RBMS3: variants seen among roughly 807,000 people sequenced by gnomAD.
RBMS3 encodes RNA binding motif single stranded interacting protein 3.
Under a neutral mutation model 66.8 loss-of-function variants are expected in RBMS3, and 27 were observed. That is an observed-to-expected ratio of 0.40 (90% confidence interval 0.30 to 0.56). The LOEUF is 0.56. RBMS3 is among the 20% of genes least tolerant of loss of function. RBMS3 has a pLI of 0.40. For synonymous variants in RBMS3, 188 were observed against 183.0 expected (o/e 1.03, Z -0.22); for missense variants, 513 against 549.5 (o/e 0.93, Z 0.66).
intron 1 of RBMS3, among the ~76,000 whole-genome samples, chr3:29,380,499 G>A (rs2038712546): frequency 6.6e-6 from 1 of 152,086 alleles, no homozygotes; most frequent in African/African-American, 2.4e-5. Flanking sequence ...TTCTAATTGT[G>A]GTAAGTTGCA....
chr3:29,592,195 TACACAC>T (rs68074936), intron 4 of RBMS3, among the ~76,000 whole-genome samples: 28 of 149,232 alleles, frequency 1.9e-4, no homozygotes, highest in Non-Finnish European at 3.9e-4. Context: ...CAAACACACA[TACACAC>T]ACACACACAC....
chr3:29,774,315 T>C (rs565197317), intron 6 of RBMS3, among the ~76,000 whole-genome samples: 3 of 152,108 alleles, frequency 2.0e-5, no homozygotes, highest in Admixed American at 6.6e-5. Context: ...TAAATGTTGA[T>C]AAAGTGTGTG....
intron 3 of RBMS3, among the ~76,000 whole-genome samples, chr3:29,524,283 A>C (rs1363463553): frequency 6.6e-6 from 1 of 152,102 alleles, no homozygotes; most frequent in Admixed American, 6.5e-5. Flanking sequence ...CATAACATGA[A>C]ATCATGCTGT....
chr3:29,596,383 T>A (rs749536338), intron 4 of RBMS3, among the ~76,000 whole-genome samples: 1 of 152,210 alleles, frequency 6.6e-6, no homozygotes, highest in Non-Finnish European at 1.5e-5. Flanking sequence ...GCTCTTCAAG[T>A]CCTTTAACTA....
At chr3:29,701,143 G>A (rs1016863049) in intron 4 of RBMS3, among the ~76,000 whole-genome samples, 52 of 152,130 alleles carry the variant, frequency 3.4e-4, no homozygotes, top group Admixed American at 3.3e-3. Flanking sequence ...CGGACGTGGT[G>A]GCGGGCTCCT....
intron 6 of RBMS3, among the ~76,000 whole-genome samples, chr3:29,819,194 T>A (rs558562438): frequency 2.6e-3 from 398 of 152,340 alleles, no homozygotes; most frequent in African/African-American, 9.1e-3. Flanking sequence ...CCCTTGCAGG[T>A]TGTTATTTCA....
At chr3:29,832,471 G>A (rs1198653771) in intron 6 of RBMS3, among the ~76,000 whole-genome samples, 1 of 149,904 alleles carries the variant, frequency 6.7e-6, no homozygotes, top group Non-Finnish European at 1.5e-5. Flanking sequence ...TGGAGCAAAA[G>A]GTATCCAAGG....
chr3:29,464,177 A>G (rs539825598), intron 2 of RBMS3, among the ~76,000 whole-genome samples: 1 of 152,284 alleles, frequency 6.6e-6, no homozygotes, highest in Admixed American at 6.5e-5. Flanking sequence ...TTTCTAAAAT[A>G]TAAAGAAATA....
intron 3 of RBMS3, among the ~76,000 whole-genome samples, chr3:29,575,856 AT>A (rs1168625263): frequency 6.6e-6 from 1 of 151,664 alleles, no homozygotes; most frequent in East Asian, 1.9e-4. Flanking sequence ...CTTTTAAATT[AT>A]TTCAGTTTCT....
intron 10 of RBMS3, among the ~76,000 whole-genome samples, chr3:29,900,946 A>G (rs556974167): frequency 2.0e-5 from 3 of 151,964 alleles, no homozygotes; most frequent in South Asian, 4.1e-4. Flanking sequence ...TCTGGCTTTC[A>G]TATCTGAGCA....
chr3:29,702,879 C>T (rs528257422), intron 4 of RBMS3, among the ~76,000 whole-genome samples: 18 of 152,322 alleles, frequency 1.2e-4, no homozygotes, highest in African/African-American at 1.7e-4. Flanking sequence ...CGAGGGTCCG[C>T]GGCTTCATTC....
intron 10 of RBMS3, among the ~76,000 whole-genome samples, chr3:29,930,458 CT>C (rs1222592365): frequency 6.6e-6 from 1 of 151,870 alleles, no homozygotes. Context: ...TTCTTCCTCA[CT>C]TTGTATAAAT....
intron 2 of RBMS3, among the ~76,000 whole-genome samples, chr3:29,471,293 G>A (rs1253944360): frequency 1.3e-5 from 2 of 152,168 alleles, no homozygotes; most frequent in Non-Finnish European, 2.9e-5. Flanking sequence ...CAGGTAAGAA[G>A]TAAGCTGAAG....
At chr3:29,680,530 A>T (rs1559563051) in intron 4 of RBMS3, among the ~76,000 whole-genome samples, 1 of 152,188 alleles carries the variant, frequency 6.6e-6, no homozygotes, top group South Asian at 2.1e-4. Context: ...ATATTTCTTG[A>T]TTTTAATTAG....
intron 6 of RBMS3, among the ~76,000 whole-genome samples, chr3:29,849,105 A>T (rs2149515920): frequency 6.6e-6 from 1 of 151,632 alleles, no homozygotes; most frequent in East Asian, 1.9e-4. Context: ...TCCATTTTTG[A>T]ATATTGTCTT....
intron 1 of RBMS3, among the ~76,000 whole-genome samples, chr3:29,299,533 G>A (rs991174473): frequency 6.6e-5 from 10 of 151,702 alleles, no homozygotes; most frequent in Non-Finnish European, 1.0e-4. Context: ...TCCACCAAGC[G>A]TGATTTCTAC....
chr3:29,878,294 C>A (rs1236588595), intron 7 of RBMS3, among the ~76,000 whole-genome samples: 1 of 151,978 alleles, frequency 6.6e-6, no homozygotes, highest in African/African-American at 2.4e-5. Flanking sequence ...GTTGGAGACC[C>A]CTGATCTAGT....
At chr3:29,952,963 C>A (rs1332097952) in intron 12 of RBMS3, among the ~76,000 whole-genome samples, 2 of 151,770 alleles carry the variant, frequency 1.3e-5, no homozygotes, top group African/African-American at 2.4e-5. Flanking sequence ...GATACTTGTT[C>A]TGGAGGGTTG....
chr3:29,531,759 G>A (rs2045358854), intron 3 of RBMS3, among the ~76,000 whole-genome samples: 1 of 152,158 alleles, frequency 6.6e-6, no homozygotes, highest in South Asian at 2.1e-4. Context: ...ATGATGCTAA[G>A]CCTCTATCCC....
Sources: gnomAD v4.1 joint callset for allele counts (sites outside exome capture counted in the v4.1 genomes callset) on GRCh38, gnomAD v4.1.1 for gene constraint, MANE v1.5 for transcripts, NCBI Gene and HGNC (gene_info 2026-07-23, HGNC 2026-07-21) for gene names.